The following OR10AG1 variants were observed in gnomAD, a reference collection of about 807,000 sequenced individuals.
OR10AG1 encodes olfactory receptor family 10 subfamily AG member 1, also known as olfactory receptor 10AG1.
For synonymous variants in OR10AG1, 147 were observed against 128.6 expected, an observed-to-expected ratio of 1.14 and a Z score of -0.97; for missense variants, 433 against 376.5, an observed-to-expected ratio of 1.15 and a Z score of -1.24.
rs907950506 is a variant in OR10AG1, at chr11:55,966,276, A to G, written c.*1282T>C. On this transcript the variant is annotated 3_prime_UTR_variant, in exon 2 of 2. Transcript: ENST00000641071. ...AGCTTGTAAAGTAAGAAGAATATAT[A>G]TATATATATATATATTTTTTTTTTT... 191 of 88,338 alleles carry G rather than the reference A, an allele frequency of 2.2e-3. 2 individuals carry two copies. Among genetic ancestry groups the G allele is most frequent in the African/African-American group, 9.8e-3 (178 of 18,088 alleles). 5.5% of individuals were successfully genotyped at this position (88,338 alleles called of 1,614,324 possible). A position where few individuals can be genotyped will look rare whatever the true frequency, so the allele number is the denominator to read the frequency against.
Position 55,966,592 on chromosome 11 carries a change from T to A in OR10AG1, c.*966A>T, listed in dbSNP as rs1852690812. 1 of 152,116 alleles carries A rather than the reference T, an allele frequency of 6.6e-6. No individual in the cohort carries two copies. Among genetic ancestry groups the A allele is most frequent in the Non-Finnish European group, 1.5e-5 (1 of 68,038 alleles). 9.4% of individuals were successfully genotyped at this position (152,116 alleles called of 1,614,324 possible). On this transcript the variant is annotated 3_prime_UTR_variant, in exon 2 of 2. Transcript: ENST00000641071. ...CAGGAACTCACTTCCTTCAAAGGCTTTAAGGATGACTCATTCCTTGCCCCT... is the reference window on the plus strand; with the variant it reads ...CAGGAACTCACTTCCTTCAAAGGCTATAAGGATGACTCATTCCTTGCCCCT...
Position 55,968,169 on chromosome 11 carries a change from C to T in OR10AG1, c.355G>A (p.Gly119Arg). 1 of 1,613,822 alleles carries T rather than the reference C, an allele frequency of 6.2e-7. No homozygotes were observed. Among genetic ancestry groups the T allele is most frequent in the Non-Finnish European group, 8.5e-7 (1 of 1,179,954 alleles). The change falls in exon 2 of 2, where the codon GGA (glycine) becomes AGA (arginine). Residue 119 changes from glycine to arginine, a missense_variant. Coordinates refer to ENST00000641071, the MANE Select transcript of OR10AG1 (RefSeq NM_001005491.2). ...GTCAGAAGGAGACACTCCGTGCCTCCAAGCATAAGAAAAAAACACATTTGT... is the reference window on the plus strand; with the variant it reads ...GTCAGAAGGAGACACTCCGTGCCTCTAAGCATAAGAAAAAAACACATTTGT... ...ATQMCFFLML[G>R]GTECLLLTVM...
rs569545879 is a variant in OR10AG1 at position 55,967,214 on chromosome 11, G to A, written c.*344C>T. 1 of 174,632 alleles carries A rather than the reference G, an allele frequency of 5.7e-6. No homozygotes were observed. The highest frequency in any genetic ancestry group is 2.4e-5 in the African/African-American group (1 of 42,048). The allele number at this position is 174,632 out of a possible 1,614,324, so 10.8% of individuals were successfully genotyped here. On this transcript the variant is annotated 3_prime_UTR_variant, in exon 2 of 2. Transcript: ENST00000641071. ...GAGAAAGGTGGTAAATACATCTGAA[G>A]GAATGGGAAGGTGAAAGAAGATGTA...
rs1381788575 is a variant in OR10AG1 at position 55,965,767 on chromosome 11, A to G, written c.*1791T>C. 6.6e-6 allele frequency: 1 copy of G among 152,022 alleles called. No individual in the cohort carries two copies. Among genetic ancestry groups the G allele is most frequent in the African/African-American group, 2.4e-5 (1 of 41,360 alleles). The allele number at this position is 152,022 out of a possible 1,614,324, so 9.4% of individuals were successfully genotyped here. On this transcript the variant is annotated 3_prime_UTR_variant, in exon 2 of 2. Coordinates refer to ENST00000641071, the MANE Select transcript of OR10AG1 (RefSeq NM_001005491.2). ...ATTATTTCTTGTGATCTAACTTTAT[A>G]TTCCCCATGTAGTAAATATAAATTG...
chr11:55,966,642 T>A lies in OR10AG1; in HGVS notation c.*916A>T, dbSNP rs1176090853. ...TTTTTGTTTTGGTGAATCTTGACCATCTTTGGTTTGTGGTTGAATCATTCC... is the reference window on the plus strand; with the variant it reads ...TTTTTGTTTTGGTGAATCTTGACCAACTTTGGTTTGTGGTTGAATCATTCC... On this transcript the variant is annotated 3_prime_UTR_variant, in exon 2 of 2. Coordinates refer to ENST00000641071, the MANE Select transcript of OR10AG1 (RefSeq NM_001005491.2). The A allele has an allele frequency of 6.6e-6, 1 of 152,026 alleles. No individual in the cohort carries two copies. Among genetic ancestry groups the A allele is most frequent in the Non-Finnish European group, 1.5e-5 (1 of 68,006 alleles). 9.4% of individuals were successfully genotyped at this position (152,026 alleles called of 1,614,324 possible). A position where few individuals can be genotyped will look rare whatever the true frequency, so the allele number is the denominator to read the frequency against.
chr11:55,967,809 A>C lies in OR10AG1; in HGVS notation c.715T>G (p.Leu239Val). 1 of 1,614,084 alleles carries C rather than the reference A, an allele frequency of 6.2e-7. No homozygotes were observed. Among genetic ancestry groups the C allele is most frequent in the Non-Finnish European group, 8.5e-7 (1 of 1,179,990 alleles). The change falls in exon 2 of 2, where the codon TTG becomes GTG. Residue 239 changes from leucine to valine, a missense_variant. Transcript: ENST00000641071. ...YGKIISNILK[L>V]SSARGKAKAF... ...TTAGCCTTTCCTCTGGCTGATGACA[A>C]TTTCAAAATGTTGGAGATAATTTTG... is the stretch of plus-strand genomic sequence containing the variant.
In OR10AG1 at chr11:55,966,546, C is replaced by T. The variant is rs1852690459; in HGVS notation, c.*1012G>A. On this transcript the variant is annotated 3_prime_UTR_variant, in exon 2 of 2. Coordinates refer to ENST00000641071, the MANE Select transcript of OR10AG1 (RefSeq NM_001005491.2). ...TAGTCACTCATCAGTTCTCTAGGCT[C>T]CTCCAAAATCACAACGTTGGCAGGA... The T allele has an allele frequency of 6.6e-6, 1 of 152,074 alleles. No individual in the cohort carries two copies. The highest frequency in any genetic ancestry group is 2.4e-5 in the African/African-American group (1 of 41,358). The allele number at this position is 152,074 out of a possible 1,614,324, so 9.4% of individuals were successfully genotyped here.
Position 55,966,465 on chromosome 11 carries a change from C to G in OR10AG1, c.*1093G>C, listed in dbSNP as rs1481097370. ...GACAATTTGTGTGATATATTATTTC[C>G]CCTGGTTTATCTTAACAACTTACTG... On this transcript the variant is annotated 3_prime_UTR_variant, in exon 2 of 2. Transcript: ENST00000641071. 3 of 151,704 alleles carry G rather than the reference C, an allele frequency of 2.0e-5. No homozygotes were observed. The highest frequency in any genetic ancestry group is 4.4e-5 in the Non-Finnish European group (3 of 67,952). 9.4% of individuals were successfully genotyped at this position (151,704 alleles called of 1,614,324 possible).
In OR10AG1 at chr11:55,967,579, T is replaced by C. The variant is rs1852699694; in HGVS notation, c.945A>G (p.Leu315=). ...CATCTCATGTTAATAACTTAGCTAG[T>C]AATTTTCTCAATGCCACCATGATAT... ...NKDIMVALRK[L]LAKLLT is the part of the protein sequence containing the mutation. Residue 315 remains leucine (L), a synonymous_variant, in exon 2 of 2, where the codon TTA becomes TTG. Transcript: ENST00000641071. 1 of 1,587,754 alleles carries C rather than the reference T, an allele frequency of 6.3e-7. No homozygotes were observed. Among genetic ancestry groups the C allele is most frequent in the Non-Finnish European group, 8.6e-7 (1 of 1,165,034 alleles).
In OR10AG1 at chr11:55,967,878, C is replaced by A; in HGVS notation, c.646G>T (p.Val216Leu). 1 of 1,614,098 alleles carries A rather than the reference C, an allele frequency of 6.2e-7. No individual in the cohort carries two copies. Among genetic ancestry groups the A allele is most frequent in the Middle Eastern group, 1.6e-4 (1 of 6,062 alleles). The change falls in exon 2 of 2, where the codon GTG (valine) becomes TTG (leucine). Residue 216 changes from valine (V) to leucine (L), a missense_variant. Val to Leu is a conservative substitution (Grantham distance 32). Coordinates refer to ENST00000641071, the MANE Select transcript of OR10AG1 (RefSeq NM_001005491.2). ...NEITVHVVAV[V>L]FITVPFLLIV... is the part of the protein sequence containing the mutation. ...AACAGAAATGGCACCGTGATAAACACCACCGCTACTACATGGACTGTTATC... is the reference window on the plus strand; with the variant it reads ...AACAGAAATGGCACCGTGATAAACAACACCGCTACTACATGGACTGTTATC...
At chr11:55,968,597 T>G (rs1480156320) in intron 1 of OR10AG1, 90 bp from the exon 2 acceptor site, 2 of 583,544 alleles carry the variant, frequency 3.4e-6, no homozygotes, top group African/African-American at 3.8e-5. Flanking sequence ...TACAGGAATA[T>G]ACTTACTTAA....
intron 1 of OR10AG1, among the ~76,000 whole-genome samples, 197 bp downstream of exon 1, chr11:55,969,695 A>T (rs1437257451): frequency 6.6e-6 from 1 of 152,134 alleles, no homozygotes; most frequent in Non-Finnish European, 1.5e-5. Context: ...TTCATCACTA[A>T]TGCAATTTTA....
In OR10AG1 at chr11:55,968,122, G is replaced by A. The variant is rs752641726; in HGVS notation, c.402C>T (p.Tyr134=). The A allele has an allele frequency of 2.5e-5, 41 of 1,613,746 alleles. No individual in the cohort carries two copies. In the East Asian group the frequency reaches 3.1e-4, roughly 12 times the overall value. Residue 134 remains tyrosine, a synonymous_variant, in exon 2 of 2, where the codon TAC becomes TAT. Coordinates refer to ENST00000641071, the MANE Select transcript of OR10AG1 (RefSeq NM_001005491.2). ...LLLTVMAYDR[Y]VAICKPLQYP... ...ACTGCAAAGGCTTACAAATAGCCAC[G>A]TAGCGGTCATAGGCCATCACTGTCA...
rs1244832612 is a variant in OR10AG1, at chr11:55,967,116, C to G, written c.*442G>C. 6.5e-6 allele frequency: 1 copy of G among 153,078 alleles called. No individual in the cohort carries two copies. Among genetic ancestry groups the G allele is most frequent in the Non-Finnish European group, 1.5e-5 (1 of 68,822 alleles). The allele number at this position is 153,078 out of a possible 1,614,324, so 9.5% of individuals were successfully genotyped here. Reference sequence around the variant, plus strand: ...AAGTAGGGTAAAATGCAAAGAAAATCCCATATCCTTTGTTTCCACCATCTT... The same window carrying G: ...AAGTAGGGTAAAATGCAAAGAAAATGCCATATCCTTTGTTTCCACCATCTT... On this transcript the variant is annotated 3_prime_UTR_variant, in exon 2 of 2. Transcript: ENST00000641071.
In OR10AG1 at chr11:55,967,446, T is replaced by C. The variant is rs1264541079; in HGVS notation, c.*112A>G. 9.3e-6 allele frequency: 6 copies of C among 641,768 alleles called. No homozygotes were observed. The highest frequency in any genetic ancestry group is 1.6e-5 in the Non-Finnish European group (6 of 371,582). 39.8% of individuals were successfully genotyped at this position (641,768 alleles called of 1,614,324 possible). On this transcript the variant is annotated 3_prime_UTR_variant, in exon 2 of 2. Coordinates refer to ENST00000641071, the MANE Select transcript of OR10AG1 (RefSeq NM_001005491.2). The stretch of plus-strand genomic sequence containing the variant: ...CCTTGACATAATGTAAGTTTGTATT[T>C]AAATTTCAGTACTCATTATTGAATA...
In OR10AG1 at chr11:55,966,334, G is replaced by A. The variant is rs1852688852; in HGVS notation, c.*1224C>T. 6.7e-6 allele frequency: 1 copy of A among 149,804 alleles called. No homozygotes were observed. Among genetic ancestry groups the A allele is most frequent in the Admixed American group, 6.7e-5 (1 of 15,012 alleles). 9.3% of individuals were successfully genotyped at this position (149,804 alleles called of 1,614,324 possible). A position where few individuals can be genotyped will look rare whatever the true frequency, so the allele number is the denominator to read the frequency against. ...AGTCAATTTACTGCCCAAAATGCAT[G>A]CAACAATTGAAGGGTAGGGTGGAAT... On this transcript the variant is annotated 3_prime_UTR_variant, in exon 2 of 2. Transcript: ENST00000641071.
At position 55,967,631 on chromosome 11, in the gene OR10AG1, G is replaced by A; in HGVS notation, c.893C>T (p.Pro298Leu). 3 of 1,610,406 alleles carry A rather than the reference G, an allele frequency of 1.9e-6. No individual in the cohort carries two copies. Among genetic ancestry groups the A allele is most frequent in the Non-Finnish European group, 2.5e-6 (3 of 1,176,874 alleles). The change falls in exon 2 of 2, where the codon CCT (proline) becomes CTT (leucine). Residue 298 changes from proline to leucine, a missense_variant. Transcript: ENST00000641071. ...TTTGTTCCTCAGGGTATATATAATAGGATTCAAAGTTGGAATCAGAATGGT... is the reference window on the plus strand; with the variant it reads ...TTTGTTCCTCAGGGTATATATAATAAGATTCAAAGTTGGAATCAGAATGGT... Reference protein sequence around the residue: ...FYTILIPTLNPIIYTLRNKDI... With the variant: ...FYTILIPTLNLIIYTLRNKDI...
chr11:55,967,756 TAGGTGAGATGAGC>T lies in OR10AG1; in HGVS notation c.755_767del (p.Cys252Ter). 1 of 1,613,714 alleles carries T rather than the reference TAGGTGAGATGAGC, an allele frequency of 6.2e-7. No homozygotes were observed. Among genetic ancestry groups the T allele is most frequent in the Non-Finnish European group, 8.5e-7 (1 of 1,179,786 alleles). ...CTCCAAAGAATAAGATTACAACTAT[TAGGTGAGATGAGC>T]AGGTGGAGAAGGCTTTAGCCTTTCC... On this transcript the variant is annotated frameshift_variant, in exon 2 of 2. Transcript: ENST00000641071. LOFTEE classifies it low-confidence loss of function (END_TRUNC).
intron 1 of OR10AG1, among the ~76,000 whole-genome samples, chr11:55,969,316 T>C (rs61896168): frequency 0.06 from 9,149 of 152,150 alleles, 383 homozygotes; most frequent in Non-Finnish European, 0.084. Context: ...TAAAGTAAAA[T>C]TCTTTGATTA....
Sources: gnomAD v4.1 joint callset for allele counts (sites outside exome capture counted in the v4.1 genomes callset) on GRCh38, gnomAD v4.1.1 for gene constraint, MANE v1.5 for transcripts, NCBI Gene and HGNC (gene_info 2026-07-23, HGNC 2026-07-21) for gene names.